Variants in CATSPERE observed in about 807,000 individuals in gnomAD.
CATSPERE encodes the protein catsper channel auxiliary subunit epsilon, also known as cation channel sperm-associated auxiliary subunit epsilon.
CATSPERE carries 93 observed loss-of-function variants against 114.1 expected under a neutral mutation model. That is an observed-to-expected ratio of 0.81 (90% CI 0.69 to 0.97). The LOEUF is 0.97. Ranked by LOEUF, CATSPERE falls within the 50% of genes least tolerant of loss-of-function variation. CATSPERE has a pLI of 0.00. For synonymous variants in CATSPERE, 341 were observed against 384.1 expected (o/e 0.89, Z 1.31); for missense variants, 1,058 against 1,131.6 (o/e 0.93, Z 0.93).
At chr1:244,581,431 T>C (rs976913278) in intron 11 of CATSPERE, among the ~76,000 whole-genome samples, 1 of 152,244 alleles carries the variant, frequency 6.6e-6, no homozygotes, top group African/African-American at 2.4e-5. Flanking sequence ...TCAGGTAGAA[T>C]TACTTTTATG....
At chr1:244,496,144 A>G (rs925732558) in intron 6 of CATSPERE, among the ~76,000 whole-genome samples, 1 of 152,252 alleles carries the variant, frequency 6.6e-6, no homozygotes, top group African/African-American at 2.4e-5. Context: ...GGGCCAAAAA[A>G]GAAACCAATC....
At chr1:244,470,552 T>C (rs529562529) in intron 2 of CATSPERE, among the ~76,000 whole-genome samples, 1 of 152,356 alleles carries the variant, frequency 6.6e-6, no homozygotes, top group East Asian at 1.9e-4. Flanking sequence ...GGAACTCTTA[T>C]ATTGCTGTCA....
At chr1:244,556,387 A>C (rs900388207) in intron 9 of CATSPERE, among the ~76,000 whole-genome samples, 14 of 152,200 alleles carry the variant, frequency 9.2e-5, no homozygotes, top group Admixed American at 5.9e-4. Context: ...TAGAAAATAA[A>C]ATGTATAACT....
At chr1:244,497,156 T>G (rs1420931530) in intron 6 of CATSPERE, among the ~76,000 whole-genome samples, 1 of 152,194 alleles carries the variant, frequency 6.6e-6, no homozygotes, top group Non-Finnish European at 1.5e-5. Flanking sequence ...AGAATTCTCT[T>G]ACAACCTGGT....
intron 18 of CATSPERE, among the ~76,000 whole-genome samples, chr1:244,609,356 T>TC (rs1466391932): frequency 6.6e-6 from 1 of 151,526 alleles, no homozygotes; most frequent in Admixed American, 6.6e-5. Flanking sequence ...CCTTATCACT[T>TC]CCTTTTTTTT....
chr1:244,623,421 G>T (rs535311243), intron 20 of CATSPERE, among the ~76,000 whole-genome samples: 84 of 152,260 alleles, frequency 5.5e-4, no homozygotes, highest in Non-Finnish European at 1.1e-3. Flanking sequence ...AAGCAATCTT[G>T]TGGGGATAAC....
chr1:244,626,349 G>A (rs918323666), intron 20 of CATSPERE, among the ~76,000 whole-genome samples: 1 of 151,986 alleles, frequency 6.6e-6, no homozygotes, highest in African/African-American at 2.4e-5. Context: ...GCCAGGTGTG[G>A]TGGCAGGCAC....
intron 7 of CATSPERE, among the ~76,000 whole-genome samples, chr1:244,499,669 G>T (rs558524416): frequency 4.5e-4 from 69 of 152,096 alleles, no homozygotes; most frequent in Non-Finnish European, 8.7e-4. Context: ...CAAAGGACAT[G>T]AACTCATCCT....
At position 244,552,727 on chromosome 1, in the gene CATSPERE, A is replaced by G. The variant is rs147807698; in HGVS notation, c.942A>G (p.Ile314Met). The change falls in exon 9 of 22, where the codon ATA (isoleucine) becomes ATG (methionine). Residue 314 changes from isoleucine to methionine, a missense_variant. This residue lies in a region of CATSPERE where 787 missense variants were observed against 905.6 expected (regional missense o/e 0.87). Coordinates refer to ENST00000366534, the MANE Select transcript of CATSPERE (RefSeq NM_001130957.2). ...VLYIKSFRGFIRLGGIVNLPD... is the reference protein window; with the variant it reads ...VLYIKSFRGFMRLGGIVNLPD... ...ACATAAAGAGTTTTCGTGGATTTAT[A>G]AGACTGGGAGGAATTGTAAATCTTC... is the stretch of plus-strand genomic sequence containing the variant. 8.7e-5 allele frequency: 141 copies of G among 1,614,012 alleles called. No individual in the cohort carries two copies. The highest frequency in any genetic ancestry group is 9.9e-5 in the Non-Finnish European group (117 of 1,180,024).
rs976395202 is a variant in CATSPERE at position 244,575,240 on chromosome 1, G to A, written c.1950+2468G>A. On this transcript the variant is annotated intron_variant, in intron 11 of 21. Coordinates refer to ENST00000366534, the MANE Select transcript of CATSPERE (RefSeq NM_001130957.2). This position sits in a 1 kb window ranked among gnomAD's most constrained non-coding sequence, Gnocchi z 4.5. ...TCCTTGTGGCCACAGCCCAGGCCCC[G>A]GGCTGTTGCTGGCCCAGAGGCTTGG... Among the ~76,000 whole-genome samples, 2 of 152,188 alleles carry A rather than the reference G, an allele frequency of 1.3e-5. No individual in the cohort carries two copies. Among genetic ancestry groups the A allele is most frequent in the East Asian group, 1.9e-4 (1 of 5,192 alleles).
intron 6 of CATSPERE, among the ~76,000 whole-genome samples, chr1:244,493,842 A>G (rs1301781011): frequency 2.6e-5 from 4 of 152,242 alleles, no homozygotes; most frequent in African/African-American, 4.8e-5. Context: ...CAAAAAACAC[A>G]TGAAAAAATG....
chr1:244,519,966 T>C (rs1677251142), intron 8 of CATSPERE, among the ~76,000 whole-genome samples: 1 of 152,108 alleles, frequency 6.6e-6, no homozygotes, highest in Non-Finnish European at 1.5e-5. Context: ...TCACCAAGAG[T>C]TGGGTCAATA....
chr1:244,493,870 A>G (rs956895122), intron 6 of CATSPERE, among the ~76,000 whole-genome samples: 13 of 152,252 alleles, frequency 8.5e-5, no homozygotes, highest in Non-Finnish European at 1.6e-4. Flanking sequence ...ATCACTGGCC[A>G]TCAGAGAAAT....
chr1:244,507,105 G>A (rs1486057368), intron 7 of CATSPERE, among the ~76,000 whole-genome samples: 6 of 151,816 alleles, frequency 4.0e-5, no homozygotes, highest in Non-Finnish European at 7.4e-5. Flanking sequence ...TTTTATAGCT[G>A]AATAGTATTA....
chr1:244,487,329 C>T (rs560806286), intron 5 of CATSPERE, among the ~76,000 whole-genome samples: 85 of 152,164 alleles, frequency 5.6e-4, no homozygotes, highest in African/African-American at 1.6e-3. Context: ...GCCCACCAGC[C>T]GCCATATTTC....
chr1:244,587,057 G>T (rs1667117484), intron 13 of CATSPERE, among the ~76,000 whole-genome samples: 1 of 152,104 alleles, frequency 6.6e-6, no homozygotes. Context: ...TAAGCAACAT[G>T]TATCTAAGCA....
intron 2 of CATSPERE, among the ~76,000 whole-genome samples, chr1:244,473,412 G>C (rs1035661571): frequency 8.5e-5 from 13 of 152,068 alleles, no homozygotes; most frequent in African/African-American, 2.7e-4. Flanking sequence ...TTGGTGAGGT[G>C]CCTGTTCAGA....
intron 17 of CATSPERE, among the ~76,000 whole-genome samples, chr1:244,596,849 G>T (rs1174873583): frequency 6.6e-6 from 1 of 151,972 alleles, no homozygotes; most frequent in Non-Finnish European, 1.5e-5. Flanking sequence ...GAGTGGTAAG[G>T]GTAAGAGAAT....
chr1:244,550,557 G>A (rs1466286419), intron 8 of CATSPERE, among the ~76,000 whole-genome samples: 2 of 152,214 alleles, frequency 1.3e-5, no homozygotes, highest in Non-Finnish European at 2.9e-5. Flanking sequence ...CTGCATATGT[G>A]AGGTTATTAT....
Sources: allele counts gnomAD v4.1 joint callset (sites outside exome capture counted in the v4.1 genomes callset), GRCh38; gene constraint gnomAD v4.1.1; regional missense constraint gnomAD v4.1.1; non-coding constraint Gnocchi (gnomAD v3.1); transcripts MANE v1.5; gene names NCBI Gene and HGNC (gene_info 2026-07-23, HGNC 2026-07-21).